The following HSPA4L variants were observed in gnomAD, a reference collection of about 807,000 sequenced individuals.
HSPA4L encodes heat shock 70 kDa protein 4L.
Under a neutral mutation model 100.3 loss-of-function variants are expected in HSPA4L, and 48 were observed. That is an observed-to-expected ratio of 0.48 (90% CI 0.38 to 0.61). The LOEUF is 0.61. Among genes scored for constraint, HSPA4L ranks in the 20% least tolerant of loss-of-function variants. The pLI is 0.00. For synonymous variants in HSPA4L, 319 were observed against 328.2 expected, an observed-to-expected ratio of 0.97 and a Z score of 0.30; for missense variants, 886 against 988.6, an observed-to-expected ratio of 0.90 and a Z score of 1.39.
chr4:127,814,235 G>A (rs146401181), intron 12 of HSPA4L, among the ~76,000 whole-genome samples: 19 of 152,194 alleles, frequency 1.2e-4, no homozygotes, highest in Admixed American at 1.0e-3. Context: ...ATAGTTTTTG[G>A]CTTGCTAGAA....
At chr4:127,789,048 G>T (rs78824046) in intron 1 of HSPA4L, among the ~76,000 whole-genome samples, 4,607 of 152,228 alleles carry the variant, frequency 0.03, 295 homozygotes, top group East Asian at 0.26. Flanking sequence ...AACAAACTTA[G>T]TACTGAGCTT....
At position 127,836,981 on chromosome 4, in the gene HSPA4L, C is replaced by G. The variant is rs771083762; in HGVS notation, c.*4107C>G. ...TTTGAGACAGAGTATGGCTTTGTTA[C>G]CCAGGCTGGATTGCAATGGGGTGAT... On this transcript the variant is annotated 3_prime_UTR_variant, in exon 19 of 19. Transcript: ENST00000296464. 1 of 151,780 alleles carries G rather than the reference C, an allele frequency of 6.6e-6. No homozygotes were observed. Among genetic ancestry groups the G allele is most frequent in the Non-Finnish European group, 1.5e-5 (1 of 67,970 alleles). 9.4% of individuals were successfully genotyped at this position (151,780 alleles called of 1,614,324 possible).
chr4:127,788,526 A>G (rs1486922850), intron 1 of HSPA4L, among the ~76,000 whole-genome samples: 1 of 152,176 alleles, frequency 6.6e-6, no homozygotes, highest in Non-Finnish European at 1.5e-5. Context: ...AAGCATTGAA[A>G]TTCTCCAAGA....
At chr4:127,822,949 A>G in intron 15 of HSPA4L, 55 bp downstream of exon 15, 1 of 1,521,812 alleles carries the variant, frequency 6.6e-7, no homozygotes, top group South Asian at 1.2e-5. Flanking sequence ...TTTACTCGAG[A>G]ATGCTAGTAC....
At chr4:127,783,628 T>C in intron 1 of HSPA4L, 1 of 1,535,318 alleles carries the variant, frequency 6.5e-7, no homozygotes, top group Non-Finnish European at 8.7e-7. Context: ...CTGTTACTGG[T>C]AATTTTATGA....
Position 127,839,862 on chromosome 4 carries a change from A to G in HSPA4L, c.*6988A>G, listed in dbSNP as rs1734322806. 6.6e-6 allele frequency: 1 copy of G among 152,222 alleles called. No individual in the cohort carries two copies. The allele number at this position is 152,222 out of a possible 1,614,324, so 9.4% of individuals were successfully genotyped here. A position where few individuals can be genotyped will look rare whatever the true frequency, so the allele number is the denominator to read the frequency against. ...GATAAAGCCATTGTCCTTTAATACCATAGCAAATAGAAGCAATTTTTAATG... is the reference window on the plus strand; with the variant it reads ...GATAAAGCCATTGTCCTTTAATACCGTAGCAAATAGAAGCAATTTTTAATG... On this transcript the variant is annotated 3_prime_UTR_variant, in exon 19 of 19. Transcript: ENST00000296464.
chr4:127,805,816 AT>A (rs768433602), intron 10 of HSPA4L, 23 bp downstream of exon 10: 4 of 1,463,974 alleles, frequency 2.7e-6, no homozygotes, highest in Non-Finnish European at 3.8e-6. Context: ...TAAAACCTTG[AT>A]TAGAGCTTGT....
In HSPA4L at chr4:127,782,566, A is replaced by G; in HGVS notation, c.16A>G (p.Ile6Val). 1 of 1,614,044 alleles carries G rather than the reference A, an allele frequency of 6.2e-7. No individual in the cohort carries two copies. The highest frequency in any genetic ancestry group is 8.5e-7 in the Non-Finnish European group (1 of 1,179,978). MSVVG[I>V]DLGFLNCYIA... ...ACGCGGCGGGATGTCTGTGGTTGGC[A>G]TTGACCTCGGCTTTCTCAACTGCTA... Residue 6 changes from isoleucine to valine, a missense_variant, in exon 1 of 19, where the codon ATT becomes GTT. Transcript: ENST00000296464.
intron 11 of HSPA4L, among the ~76,000 whole-genome samples, chr4:127,811,142 C>G (rs749946834): frequency 1.3e-5 from 2 of 149,266 alleles, no homozygotes; most frequent in African/African-American, 2.4e-5. Context: ...TAACTTACTG[C>G]CTTTGAATCA....
At chr4:127,822,328 G>A (rs1056379821) in intron 14 of HSPA4L, among the ~76,000 whole-genome samples, 4 of 152,110 alleles carry the variant, frequency 2.6e-5, no homozygotes, top group Non-Finnish European at 5.9e-5. Flanking sequence ...CCTTGTTTCA[G>A]CACGTATCAT....
At chr4:127,803,038 C>G (rs1481806015) in intron 6 of HSPA4L, among the ~76,000 whole-genome samples, 1 of 152,104 alleles carries the variant, frequency 6.6e-6, no homozygotes, top group Non-Finnish European at 1.5e-5. Flanking sequence ...TTCTATGACT[C>G]TCTTCTGCTG....
intron 12 of HSPA4L, among the ~76,000 whole-genome samples, chr4:127,812,132 G>A (rs550284182): frequency 3.3e-5 from 5 of 152,008 alleles, no homozygotes; most frequent in South Asian, 2.1e-4. Flanking sequence ...ATTTTTGGCC[G>A]GGCGCAGTAG....
At chr4:127,823,681 G>T in intron 16 of HSPA4L, 57 bp downstream of exon 16, 1 of 987,192 alleles carries the variant, frequency 1.0e-6, no homozygotes, top group Non-Finnish European at 1.6e-6. Context: ...TAAAAATTAG[G>T]GTGTAAGAGC....
rs1309660906 is a variant in HSPA4L at position 127,838,262 on chromosome 4, G to A, written c.*5388G>A. On this transcript the variant is annotated 3_prime_UTR_variant, in exon 19 of 19. Coordinates refer to ENST00000296464, the MANE Select transcript of HSPA4L (RefSeq NM_014278.4). ...AACATTAAAAAACTGAAACCACTTA[G>A]AAGAAAAGAAGAAACCTAAATGTCT... is the stretch of plus-strand genomic sequence containing the variant. 1 of 152,134 alleles carries A rather than the reference G, an allele frequency of 6.6e-6. No individual in the cohort carries two copies. Among genetic ancestry groups the A allele is most frequent in the Non-Finnish European group, 1.5e-5 (1 of 68,018 alleles). 9.4% of individuals were successfully genotyped at this position (152,134 alleles called of 1,614,324 possible).
chr4:127,800,933 TTTAAA>T (rs1446240636), intron 4 of HSPA4L, among the ~76,000 whole-genome samples, 200 bp from the exon 5 acceptor site: 1 of 152,214 alleles, frequency 6.6e-6, no homozygotes, highest in African/African-American at 2.4e-5. Flanking sequence ...ATTACCTTAC[TTTAAA>T]TTAGTATTCA....
intron 3 of HSPA4L, among the ~76,000 whole-genome samples, chr4:127,798,043 G>A (rs1013286588): frequency 6.6e-6 from 1 of 152,192 alleles, no homozygotes; most frequent in Admixed American, 6.5e-5. Flanking sequence ...CTTGTAAATA[G>A]GTTTGGAAAC....
chr4:127,812,273 G>A (rs956294960), intron 12 of HSPA4L, among the ~76,000 whole-genome samples: 1 of 151,910 alleles, frequency 6.6e-6, no homozygotes, highest in Non-Finnish European at 1.5e-5. Context: ...GCCGGGCGTG[G>A]TGGCAGGTAC....
chr4:127,781,899 G>A, upstream of HSPA4L: 1 of 379,206 alleles, frequency 2.6e-6, no homozygotes, highest in South Asian at 1.9e-5. Context: ...CCGCCAGCCA[G>A]GACAGCATCC....
At chr4:127,804,133 C>G in intron 8 of HSPA4L, 46 bp downstream of exon 8, 1 of 1,445,128 alleles carries the variant, frequency 6.9e-7, no homozygotes, top group Non-Finnish European at 9.7e-7. Flanking sequence ...ATAATGTTGC[C>G]TACTTAGCGG....
Sources: allele counts gnomAD v4.1 joint callset (sites outside exome capture counted in the v4.1 genomes callset), GRCh38; gene constraint gnomAD v4.1.1; transcripts MANE v1.5; gene names NCBI Gene and HGNC (gene_info 2026-07-23, HGNC 2026-07-21).